The following DEPDC1 variants were observed in gnomAD, a reference collection of about 807,000 sequenced individuals.
The protein encoded by DEPDC1 is DEP domain containing 1.
DEPDC1 carries 66 observed loss-of-function variants against 86.8 expected under a neutral mutation model. The ratio of observed to expected loss-of-function variants is 0.76; its 90% CI spans 0.62 to 0.93. DEPDC1 has a LOEUF of 0.93. DEPDC1 is among the 40% of genes least tolerant of loss of function. The probability of loss-of-function intolerance (pLI) is 0.00; values close to 1 mark genes in which losing one functional copy is unlikely to be tolerated. For synonymous variants in DEPDC1, 255 were observed against 314.9 expected (o/e 0.81, Z 2.02); for missense variants, 792 against 935.7 (o/e 0.85, Z 2.00).
intron 7 of DEPDC1, chr1:68,483,314 T>C (rs1265628994): frequency 1.9e-6 from 1 of 519,034 alleles, no homozygotes; most frequent in Non-Finnish European, 3.8e-6. Context: ...TCCTGAATGA[T>C]AGAAGTCTTT....
At position 68,495,677 on chromosome 1, in the gene DEPDC1, C is replaced by A. The variant is rs116953527; in HGVS notation, c.49-982G>T. Among the ~76,000 whole-genome samples the A allele has an allele frequency of 1.2e-4, 18 of 152,320 alleles. No homozygotes were observed. In the East Asian group the frequency reaches 3.1e-3, roughly 26 times the overall value. On this transcript the variant is annotated intron_variant, in intron 1 of 11. Coordinates refer to ENST00000456315, the MANE Select transcript of DEPDC1 (RefSeq NM_001114120.3). ...CAGTACAGGGTAGTGGCTTTAAGAA[C>A]AGGCTCTGGAGTTAGACTAGTAGGG...
Position 68,496,639 on chromosome 1 carries a change from A to C in DEPDC1, c.48+313T>G. 1 of 317,764 alleles carries C rather than the reference A, an allele frequency of 3.1e-6. No individual in the cohort carries two copies. The allele number at this position is 317,764 out of a possible 1,614,324, so 19.7% of individuals were successfully genotyped here. Reference sequence around the variant, plus strand: ...AGGCGAGGTGAGCGGCCAAATCGGAATATTCTAAGACGCCCCCACGGGACG... The same window carrying C: ...AGGCGAGGTGAGCGGCCAAATCGGACTATTCTAAGACGCCCCCACGGGACG... On this transcript the variant is annotated intron_variant, in intron 1 of 11. Coordinates refer to ENST00000456315, the MANE Select transcript of DEPDC1 (RefSeq NM_001114120.3). This position sits in a 1 kb window ranked among gnomAD's most constrained non-coding sequence, Gnocchi z 4.0.
chr1:68,479,231 T>C lies in DEPDC1; in HGVS notation c.2025A>G (p.Leu675=). Reference sequence around the variant, plus strand: ...GAAGAATTTCCTGATGATGATCCATTAAGAAAGAAACTAATCTTCCAGCAA... The same window carrying C: ...GAAGAATTTCCTGATGATGATCCATCAAGAAAGAAACTAATCTTCCAGCAA... ...ELLAGRLVSF[L]MDHHQEILQV... Residue 675 remains leucine, a synonymous_variant, in exon 10 of 12, where the codon TTA becomes TTG. Coordinates refer to ENST00000456315, the MANE Select transcript of DEPDC1 (RefSeq NM_001114120.3). The C allele has an allele frequency of 6.2e-7, 1 of 1,612,554 alleles. No homozygotes were observed. The highest frequency in any genetic ancestry group is 8.5e-7 in the Non-Finnish European group (1 of 1,179,224).
intron 10 of DEPDC1, among the ~76,000 whole-genome samples, chr1:68,478,449 T>G (rs970515547): frequency 1.6e-4 from 15 of 95,328 alleles, no homozygotes; most frequent in African/African-American, 6.3e-4. Flanking sequence ...TTCATGTATT[T>G]TTTTTTTTTT....
At chr1:68,484,204 A>G (rs1431568776) in intron 6 of DEPDC1, 114 bp from the exon 7 acceptor site, 1 of 742,294 alleles carries the variant, frequency 1.3e-6, no homozygotes, top group African/African-American at 1.9e-5. Context: ...TTAACAACAA[A>G]TTCTGCCACA....
chr1:68,489,624 T>G lies in DEPDC1; in HGVS notation c.315-16A>C, dbSNP rs201485738. 1 of 1,517,578 alleles carries G rather than the reference T, an allele frequency of 6.6e-7. No homozygotes were observed. Among genetic ancestry groups the G allele is most frequent in the East Asian group, 2.6e-5 (1 of 38,608 alleles). The allele number at this position is 1,517,578 out of a possible 1,614,324, so 94.0% of individuals were successfully genotyped here. ...TGCAGGAAATCTGGTTTAAAAACAA[T>G]AAGCAATTAAATAATGTGAGATTAG... On this transcript the variant is annotated splice_polypyrimidine_tract_variant and intron_variant, in intron 2 of 11. Coordinates refer to ENST00000456315, the MANE Select transcript of DEPDC1 (RefSeq NM_001114120.3).
chr1:68,481,488 T>G lies in DEPDC1; in HGVS notation c.1887A>C (p.Gln629His). The G allele has an allele frequency of 6.2e-7, 1 of 1,612,548 alleles. No individual in the cohort carries two copies. Among genetic ancestry groups the G allele is most frequent in the Admixed American group, 1.7e-5 (1 of 59,800 alleles). Residue 629 changes from glutamine to histidine, a missense_variant, in exon 9 of 12, where the codon CAA (glutamine) becomes CAC (histidine). Transcript: ENST00000456315. ...LLMRMISRMSQNVDMPKLHDA... is the reference protein window; with the variant it reads ...LLMRMISRMSHNVDMPKLHDA... ...CATGAAGTTTGGGCATATCAACATT[T>G]TGACTCATTCGGGAAATCATACGCA...
rs151317467 is a variant in DEPDC1, at chr1:68,479,187, T to C, written c.2069A>G (p.Gln690Arg). 3 of 1,611,626 alleles carry C rather than the reference T, an allele frequency of 1.9e-6. No homozygotes were observed. The African/African-American group carries it at 4.0e-5, about 22-fold the overall frequency. ...QEILQVPSYL[Q>R]TAVEKHLDYL... ...GTCAAGATGTTTTTCCACTGCAGTC[T>C]GTAAGTAAGAGGGTACTTGAAGAAT... Residue 690 changes from glutamine to arginine, a missense_variant, in exon 10 of 12, where the codon CAG (glutamine) becomes CGG (arginine). Coordinates refer to ENST00000456315, the MANE Select transcript of DEPDC1 (RefSeq NM_001114120.3).
chr1:68,478,130 G>C (rs1298837361), intron 10 of DEPDC1, among the ~76,000 whole-genome samples, 158 bp from the exon 11 acceptor site: 2 of 151,944 alleles, frequency 1.3e-5, no homozygotes. Context: ...ATGTAAGTCA[G>C]TAGGTTCTAA....
intron 10 of DEPDC1, 33 bp from the exon 11 acceptor site, chr1:68,478,005 T>C (rs1646129363): frequency 7.0e-7 from 1 of 1,423,376 alleles, no homozygotes; most frequent in Middle Eastern, 1.8e-4. Flanking sequence ...ACTCTGTTAA[T>C]TCTGGTCATG....
At chr1:68,493,321 A>G (rs1471240735) in intron 2 of DEPDC1, among the ~76,000 whole-genome samples, 2 of 152,228 alleles carry the variant, frequency 1.3e-5, no homozygotes, top group Admixed American at 6.5e-5. Context: ...TGTAGGAAAA[A>G]AAAAGCATGG....
At chr1:68,489,145 C>A in intron 3 of DEPDC1, 111 bp from the exon 4 acceptor site, 1 of 719,384 alleles carries the variant, frequency 1.4e-6, no homozygotes, top group South Asian at 1.9e-5. Flanking sequence ...AAGTATCTCC[C>A]AAAGAAATAA....
At position 68,476,750 on chromosome 1, in the gene DEPDC1, A is replaced by G. The variant is rs34349147; in HGVS notation, c.*182T>C. 0.078 allele frequency: 40,611 copies of G among 522,306 alleles called. 2,118 individuals are homozygous for G. Among genetic ancestry groups the G allele is most frequent in the South Asian group, 0.16 (4,816 of 29,374 alleles). The allele number at this position is 522,306 out of a possible 1,614,324, so 32.4% of individuals were successfully genotyped here. A position where few individuals can be genotyped will look rare whatever the true frequency, so the allele number is the denominator to read the frequency against. On this transcript the variant is annotated 3_prime_UTR_variant, in exon 12 of 12. Coordinates refer to ENST00000456315, the MANE Select transcript of DEPDC1 (RefSeq NM_001114120.3). ...TATCATCTATTGTTATGTGCTCTCAATTGAGATCTAGTTAGTTTCCTAAGA... is the reference window on the plus strand; with the variant it reads ...TATCATCTATTGTTATGTGCTCTCAGTTGAGATCTAGTTAGTTTCCTAAGA...
At chr1:68,482,998 T>TAACA in intron 7 of DEPDC1, 101 bp from the exon 8 acceptor site, 3 of 1,231,268 alleles carry the variant, frequency 2.4e-6, no homozygotes, top group East Asian at 2.5e-5. Context: ...ATTACTATAG[T>TAACA]ATATATTGTT....
chr1:68,496,975 C>G lies in DEPDC1; in HGVS notation c.25G>C (p.Gly9Arg), dbSNP rs1375481304. The G allele has an allele frequency of 6.2e-7, 1 of 1,613,346 alleles. No individual in the cohort carries two copies. Reference sequence around the variant, plus strand: ...ACCAGCTTGGTGGCCCGATAAGGCCCGGGAGGCACACCCTGACTCTCCATA... The same window carrying G: ...ACCAGCTTGGTGGCCCGATAAGGCCGGGGAGGCACACCCTGACTCTCCATA... Reference protein sequence around the residue: MESQGVPPGPYRATKLWNE... With the variant: MESQGVPPRPYRATKLWNE... Residue 9 changes from glycine to arginine, a missense_variant, in exon 1 of 12, where the codon GGG (glycine) becomes CGG (arginine). Coordinates refer to ENST00000456315, the MANE Select transcript of DEPDC1 (RefSeq NM_001114120.3). The surrounding 1 kb of genome is among the most constrained non-coding windows in gnomAD (Gnocchi z 4.0).
At chr1:68,485,147 GAATT>G (rs1438401193) in intron 6 of DEPDC1, among the ~76,000 whole-genome samples, 3 of 132,594 alleles carry the variant, frequency 2.3e-5, no homozygotes, top group Non-Finnish European at 3.2e-5. Flanking sequence ...CACTGAAAAA[GAATT>G]AAAGAAAACA....
At chr1:68,480,252 C>CACCACA (rs1553155658) in intron 9 of DEPDC1, among the ~76,000 whole-genome samples, 5,724 of 145,366 alleles carry the variant, frequency 0.039, 142 homozygotes, top group Middle Eastern at 0.07. Flanking sequence ...TCTAACTGTA[C>CACCACA]CACACACACA....
At chr1:68,486,665 A>T (rs1646194465) in intron 6 of DEPDC1, among the ~76,000 whole-genome samples, 1 of 151,898 alleles carries the variant, frequency 6.6e-6, no homozygotes, top group Non-Finnish European at 1.5e-5. Context: ...ATCCTTTGAG[A>T]TCCTCTAGGC....
At position 68,477,025 on chromosome 1, in the gene DEPDC1, G is replaced by A; in HGVS notation, c.2343C>T (p.Thr781=). The A allele has an allele frequency of 6.2e-7, 1 of 1,606,380 alleles. No homozygotes were observed. Among genetic ancestry groups the A allele is most frequent in the Non-Finnish European group, 8.5e-7 (1 of 1,176,120 alleles). ...CAAAAAGTGCTGCTTCACTCTCCGT[G>A]GTTGGAAATCTTTTCTGATATATCA... ...YPLIYQKRFP[T]TESEAALFGD... The change falls in exon 12 of 12, where the codon ACC becomes ACT. Residue 781 remains threonine, a synonymous_variant. Coordinates refer to ENST00000456315, the MANE Select transcript of DEPDC1 (RefSeq NM_001114120.3).
Sources: allele counts gnomAD v4.1 joint callset (sites outside exome capture counted in the v4.1 genomes callset), GRCh38; gene constraint gnomAD v4.1.1; non-coding constraint Gnocchi (gnomAD v3.1); transcripts MANE v1.5; gene names NCBI Gene and HGNC (gene_info 2026-07-23, HGNC 2026-07-21).